RPS6KA5: variants seen among roughly 807,000 people sequenced by gnomAD.
RPS6KA5 encodes the protein ribosomal protein S6 kinase alpha-5.
RPS6KA5 carries 27 observed loss-of-function variants against 85.5 expected under a neutral mutation model. The ratio of observed to expected loss-of-function variants is 0.32; its 90% CI spans 0.23 to 0.44. RPS6KA5 has a LOEUF of 0.44. Ranked by LOEUF, RPS6KA5 falls within the 20% of genes least tolerant of loss-of-function variation. The probability of loss-of-function intolerance (pLI) is 1.00; values close to 1 mark genes in which losing one functional copy is unlikely to be tolerated. For missense variants in RPS6KA5, 811 were observed against 980.9 expected (o/e 0.83, Z 2.31); for synonymous variants, 334 against 348.2 (o/e 0.96, Z 0.46).
chr14:90,945,792 G>A (rs1344307721), intron 4 of RPS6KA5, among the ~76,000 whole-genome samples: 2 of 152,154 alleles, frequency 1.3e-5, no homozygotes, highest in African/African-American at 4.8e-5. Context: ...GATTGCTTGA[G>A]TCTAGTTCAA....
intron 15 of RPS6KA5, 39 bp from the exon 16 acceptor site, chr14:90,873,834 T>C (rs1474946927): frequency 6.4e-7 from 1 of 1,573,960 alleles, no homozygotes; most frequent in East Asian, 2.2e-5. Context: ...ATTTGTCATT[T>C]TAAACATGGT....
At chr14:90,927,923 C>CT (rs1555363686) in intron 5 of RPS6KA5, among the ~76,000 whole-genome samples, 60 of 135,834 alleles carry the variant, frequency 4.4e-4, no homozygotes, top group Middle Eastern at 4.1e-3. Context: ...TTTTCTCTTT[C>CT]TTTCTTTTCT....
intron 1 of RPS6KA5, among the ~76,000 whole-genome samples, chr14:91,056,190 C>T (rs2043310559): frequency 6.6e-6 from 1 of 152,232 alleles, no homozygotes; most frequent in Non-Finnish European, 1.5e-5. Context: ...CGACCTTCTC[C>T]TCAATGTTAG....
chr14:90,976,574 T>G (rs893348420), intron 3 of RPS6KA5, among the ~76,000 whole-genome samples: 99 of 152,272 alleles, frequency 6.5e-4, no homozygotes, highest in African/African-American at 2.3e-3. Flanking sequence ...AACCGCTGTA[T>G]TAGAATGCTC....
At chr14:90,971,802 G>A (rs775524323) in intron 3 of RPS6KA5, among the ~76,000 whole-genome samples, 1 of 152,170 alleles carries the variant, frequency 6.6e-6, no homozygotes, top group Non-Finnish European at 1.5e-5. Context: ...AAGAAAAGCT[G>A]TAAACCTCCA....
intron 7 of RPS6KA5, among the ~76,000 whole-genome samples, chr14:90,918,693 T>C (rs1335525898): frequency 2.6e-5 from 4 of 152,226 alleles, no homozygotes; most frequent in African/African-American, 7.2e-5. Context: ...AATTTTTCTA[T>C]ATGGTATGAA....
chr14:90,965,666 C>A (rs2039027563), intron 3 of RPS6KA5, among the ~76,000 whole-genome samples: 1 of 151,704 alleles, frequency 6.6e-6, no homozygotes, highest in Middle Eastern at 3.2e-3. Context: ...CATGCCAGAC[C>A]CAGGTGACAC....
At chr14:90,922,970 C>T in intron 6 of RPS6KA5, 143 bp downstream of exon 6, 1 of 613,720 alleles carries the variant, frequency 1.6e-6, no homozygotes. Context: ...TTCAGGAATA[C>T]AAAGCAAAAG....
chr14:91,019,381 G>A (rs1404958441), intron 1 of RPS6KA5, among the ~76,000 whole-genome samples: 1 of 152,122 alleles, frequency 6.6e-6, no homozygotes, highest in African/African-American at 2.4e-5. Context: ...CAAAAAGACT[G>A]TCCTCTCCTG....
At chr14:90,957,908 G>A (rs1192195369) in intron 3 of RPS6KA5, among the ~76,000 whole-genome samples, 2 of 151,774 alleles carry the variant, frequency 1.3e-5, no homozygotes, top group African/African-American at 2.4e-5. Flanking sequence ...TGGAAAGGCC[G>A]AGGTAGAAGG....
At chr14:91,014,504 A>C in intron 1 of RPS6KA5, among the ~76,000 whole-genome samples, 1 of 151,260 alleles carries the variant, frequency 6.6e-6, no homozygotes, top group East Asian at 1.9e-4. Context: ...TCCATCTCAA[A>C]AAAAAAAAAA....
At chr14:90,899,837 G>A (rs985125617) in intron 11 of RPS6KA5, among the ~76,000 whole-genome samples, 2 of 152,114 alleles carry the variant, frequency 1.3e-5, no homozygotes, top group Non-Finnish European at 2.9e-5. Flanking sequence ...CACTATGTGA[G>A]CCTGATTAAA....
At chr14:90,994,021 T>C (rs2040412312) in intron 2 of RPS6KA5, among the ~76,000 whole-genome samples, 1 of 152,062 alleles carries the variant, frequency 6.6e-6, no homozygotes, top group Non-Finnish European at 1.5e-5. Context: ...CCTGAATGGC[T>C]AGGACTACAG....
chr14:90,935,549 T>C (rs567516291), intron 5 of RPS6KA5, among the ~76,000 whole-genome samples: 199 of 152,292 alleles, frequency 1.3e-3, no homozygotes, highest in African/African-American at 4.6e-3. Context: ...CCTCATGTCC[T>C]AAAGCTAAGA....
At chr14:91,048,098 G>A (rs1020529896) in intron 1 of RPS6KA5, among the ~76,000 whole-genome samples, 8 of 152,190 alleles carry the variant, frequency 5.3e-5, no homozygotes, top group Admixed American at 3.9e-4. Context: ...TTAGGATGTG[G>A]GTATCTTGGG....
intron 1 of RPS6KA5, among the ~76,000 whole-genome samples, chr14:91,059,012 A>C (rs1425951687): frequency 6.6e-6 from 1 of 152,190 alleles, no homozygotes; most frequent in Non-Finnish European, 1.5e-5. Flanking sequence ...CCTGCCGTTT[A>C]AGCTTTTGTG....
At chr14:90,925,015 A>G (rs892101199) in intron 5 of RPS6KA5, among the ~76,000 whole-genome samples, 1 of 152,202 alleles carries the variant, frequency 6.6e-6, no homozygotes, top group Non-Finnish European at 1.5e-5. Context: ...AATGCTGGCA[A>G]ATCTCCACAC....
chr14:90,988,546 G>A (rs2040161505), intron 2 of RPS6KA5, among the ~76,000 whole-genome samples: 1 of 152,214 alleles, frequency 6.6e-6, no homozygotes, highest in Admixed American at 6.5e-5. Context: ...GCTGGGCATG[G>A]TGGCTCACAC....
At chr14:90,886,037 T>C (rs890597027) in intron 14 of RPS6KA5, among the ~76,000 whole-genome samples, 2 of 151,964 alleles carry the variant, frequency 1.3e-5, no homozygotes, top group African/African-American at 2.4e-5. Flanking sequence ...TGCAAATTGT[T>C]TGCAAATACT....
Sources: allele counts gnomAD v4.1 joint callset (sites outside exome capture counted in the v4.1 genomes callset), GRCh38; gene constraint gnomAD v4.1.1; transcripts MANE v1.5; gene names NCBI Gene and HGNC (gene_info 2026-07-23, HGNC 2026-07-21).